Variants in KANK4 observed in about 807,000 individuals in gnomAD.
KANK4 encodes the protein KN motif and ankyrin repeat domains 4, also known as KN motif and ankyrin repeat domain-containing protein 4.
Under a neutral mutation model 80.8 loss-of-function variants are expected in KANK4, and 50 were observed. The observed-to-expected ratio is 0.62, with a 90% confidence interval of 0.49 to 0.78. The LOEUF (loss-of-function observed/expected upper bound fraction) is 0.78. Among genes scored for constraint, KANK4 ranks in the 30% least tolerant of loss-of-function variants. The pLI, the probability that KANK4 is intolerant of heterozygous loss-of-function variation, is 0.00. For synonymous variants in KANK4, 465 were observed against 506.9 expected, an observed-to-expected ratio of 0.92 and a Z score of 1.11; for missense variants, 1,196 against 1,240.1, an observed-to-expected ratio of 0.96 and a Z score of 0.53.
At chr1:62,298,934 T>TTA (rs201108373) in intron 1 of KANK4, among the ~76,000 whole-genome samples, 11 of 115,282 alleles carry the variant, frequency 9.5e-5, no homozygotes, top group Admixed American at 5.7e-4. Flanking sequence ...CTATGTATTA[T>TTA]TTTTTTTTTT....
In KANK4 at chr1:62,238,322, C is replaced by T. The variant is rs1671254359; in HGVS notation, c.2943G>A (p.Gly981=). ...LKSPTHMEIA[G]LLRAHAEQGR... ...CCTGCTCCGCGTGGGCTCTCAGAAG[C>T]CCAGCAATTTCCATATGGGTGGGTG... The change falls in exon 10 of 10, where the codon GGG becomes GGA. Residue 981 remains glycine (G), a synonymous_variant. Coordinates refer to ENST00000371153, the MANE Select transcript of KANK4 (RefSeq NM_181712.5). 1 of 1,614,130 alleles carries T rather than the reference C, an allele frequency of 6.2e-7. No individual in the cohort carries two copies. Among genetic ancestry groups the T allele is most frequent in the Non-Finnish European group, 8.5e-7 (1 of 1,180,004 alleles).
intron 1 of KANK4, among the ~76,000 whole-genome samples, chr1:62,296,154 C>T (rs975392621): frequency 2.6e-5 from 4 of 152,198 alleles, no homozygotes; most frequent in Non-Finnish European, 4.4e-5. Context: ...AAATACCAAA[C>T]GGGAAGTGCA....
At chr1:62,291,290 T>C (rs1223014901) in intron 1 of KANK4, among the ~76,000 whole-genome samples, 1 of 152,248 alleles carries the variant, frequency 6.6e-6, no homozygotes, top group Non-Finnish European at 1.5e-5. Context: ...GTTTGTTCGT[T>C]GTTGCTGTGT....
chr1:62,316,753 A>T (rs1644544578), intron 1 of KANK4, among the ~76,000 whole-genome samples: 1 of 152,238 alleles, frequency 6.6e-6, no homozygotes, highest in Non-Finnish European at 1.5e-5. Context: ...AATACTGGAC[A>T]GGACAGTTTC....
intron 1 of KANK4, among the ~76,000 whole-genome samples, chr1:62,314,223 A>T (rs1307978877): frequency 1.3e-5 from 2 of 152,286 alleles, no homozygotes; most frequent in African/African-American, 4.8e-5. Context: ...CATGTTGGCC[A>T]GGCTGGTCTC....
chr1:62,267,450 C>A (rs1408119973), intron 5 of KANK4, among the ~76,000 whole-genome samples: 1 of 152,186 alleles, frequency 6.6e-6, no homozygotes, highest in Admixed American at 6.5e-5. Context: ...CTCAGCCTCC[C>A]AAACTGCTGG....
At chr1:62,249,795 G>A (rs1245070201) in intron 8 of KANK4, among the ~76,000 whole-genome samples, 2 of 151,766 alleles carry the variant, frequency 1.3e-5, no homozygotes, top group Non-Finnish European at 2.9e-5. Flanking sequence ...TGCCTACCTC[G>A]GCCTCCCAAA....
At chr1:62,269,176 G>T (rs956092041) in intron 4 of KANK4, among the ~76,000 whole-genome samples, 1 of 152,254 alleles carries the variant, frequency 6.6e-6, no homozygotes, top group Non-Finnish European at 1.5e-5. Context: ...TGGTAGTGAC[G>T]CTTATGCTCA....
At chr1:62,280,343 T>C (rs1367609239) in intron 2 of KANK4, among the ~76,000 whole-genome samples, 1 of 152,130 alleles carries the variant, frequency 6.6e-6, no homozygotes, top group African/African-American at 2.4e-5. Flanking sequence ...CCCAGTGTGC[T>C]GAGAAGGGAC....
intron 6 of KANK4, among the ~76,000 whole-genome samples, chr1:62,266,443 C>T (rs901984343): frequency 1.3e-5 from 2 of 151,368 alleles, no homozygotes; most frequent in African/African-American, 4.9e-5. Context: ...ACACCCACAC[C>T]ACTGCCTCAC....
chr1:62,276,967 G>A lies in KANK4; in HGVS notation c.17-1880C>T, dbSNP rs142837077. ...ACATGTTGTGACTGGTTGATTGCTT[G>A]GTTTTAAGGGTAGTAGGCCCTAGGT... is the stretch of plus-strand genomic sequence containing the variant. On this transcript the variant is annotated intron_variant, in intron 2 of 9. Coordinates refer to ENST00000371153, the MANE Select transcript of KANK4 (RefSeq NM_181712.5). Among the ~76,000 whole-genome samples the A allele has an allele frequency of 1.3e-3, 200 of 152,244 alleles. 1 individual carries two copies. Among genetic ancestry groups the A allele is most frequent in the African/African-American group, 4.6e-3 (191 of 41,536 alleles).
In KANK4 at chr1:62,317,072, C is replaced by T. The variant is rs190879299; in HGVS notation, c.-71+2034G>A. Among the ~76,000 whole-genome samples the T allele has an allele frequency of 3.9e-5, 6 of 152,290 alleles. No homozygotes were observed. The East Asian group carries it at 1.2e-3, about 29-fold the overall frequency. The stretch of plus-strand genomic sequence containing the variant: ...AAGGCAACGCGTGGCCCAGGAACCA[C>T]TTGAAGCATAATTGTGCTGAACATA... On this transcript the variant is annotated intron_variant, in intron 1 of 9. Transcript: ENST00000371153.
In KANK4 at chr1:62,281,946, G is replaced by A. The variant is rs13374354; in HGVS notation, c.-70-312C>T. On this transcript the variant is annotated intron_variant, in intron 1 of 9. Coordinates refer to ENST00000371153, the MANE Select transcript of KANK4 (RefSeq NM_181712.5). ...TGCTCTAAGGTGTCTCAGACTATTC[G>A]TGAAGGTGCTAGTATCAGACCCAGG... Among the ~76,000 whole-genome samples, 605 of 152,262 alleles carry A rather than the reference G, an allele frequency of 4.0e-3. 4 individuals carry two copies. The highest frequency in any genetic ancestry group is 0.014 in the African/African-American group (579 of 41,544).
Position 62,278,320 on chromosome 1 carries a change from T to TCTTTCTTTCTTC in KANK4, c.16+3228_16+3229insGAAGAAAGAAAG, listed in dbSNP as rs1420040026. Reference sequence around the variant, plus strand: ...GGCATTTCCTGGGGCACATTTTCTTTCTTCCTTCCTTCCTTCCTTCCTTCC... The same window carrying TCTTTCTTTCTTC: ...GGCATTTCCTGGGGCACATTTTCTTTCTTTCTTTCTTCCTTCCTTCCTTCCTTCCTTCCTTCC... On this transcript the variant is annotated intron_variant, in intron 2 of 9. Coordinates refer to ENST00000371153, the MANE Select transcript of KANK4 (RefSeq NM_181712.5). Among the ~76,000 whole-genome samples, 213 of 60,396 alleles carry TCTTTCTTTCTTC rather than the reference T, an allele frequency of 3.5e-3. 4 individuals are homozygous for TCTTTCTTTCTTC. The highest frequency in any genetic ancestry group is 0.011 in the African/African-American group (206 of 18,014). The allele number at this position is 60,396 out of a possible 152,430, so 39.6% of individuals were successfully genotyped here.
chr1:62,289,631 C>G (rs1004246895), intron 1 of KANK4, among the ~76,000 whole-genome samples: 2 of 151,564 alleles, frequency 1.3e-5, no homozygotes, highest in African/African-American at 2.4e-5. Context: ...ATGGTGAAGA[C>G]AGAAGAAGAC....
At chr1:62,242,814 T>C (rs751836431) in intron 9 of KANK4, among the ~76,000 whole-genome samples, 1 of 152,170 alleles carries the variant, frequency 6.6e-6, no homozygotes, top group African/African-American at 2.4e-5. Context: ...GGAAATGATA[T>C]GGTGGGTATG....
intron 1 of KANK4, among the ~76,000 whole-genome samples, chr1:62,282,594 A>G (rs1270081004): frequency 6.6e-6 from 1 of 152,198 alleles, no homozygotes; most frequent in Non-Finnish European, 1.5e-5. Flanking sequence ...CCAAGGATGG[A>G]AAAAAGGGGA....
At position 62,236,491 on chromosome 1, in the gene KANK4, T is replaced by G. The variant is rs995159824; in HGVS notation, c.*1786A>C. ...TCCACCTCTGAGTTGCATCAACACA[T>G]GTCATTGTGTTCTGGGACTCTGAGC... On this transcript the variant is annotated 3_prime_UTR_variant, in exon 10 of 10. Coordinates refer to ENST00000371153, the MANE Select transcript of KANK4 (RefSeq NM_181712.5). Among the ~76,000 whole-genome samples the G allele has an allele frequency of 6.6e-6, 1 of 152,148 alleles. No homozygotes were observed. Among genetic ancestry groups the G allele is most frequent in the Admixed American group, 6.6e-5 (1 of 15,262 alleles).
chr1:62,256,471 C>T (rs911374711), intron 7 of KANK4, among the ~76,000 whole-genome samples: 2 of 152,022 alleles, frequency 1.3e-5, no homozygotes, highest in East Asian at 1.9e-4. Context: ...CTGCGATCTC[C>T]GCCTCCCAGG....
Sources: gnomAD v4.1 joint callset for allele counts (sites outside exome capture counted in the v4.1 genomes callset) on GRCh38, gnomAD v4.1.1 for gene constraint, MANE v1.5 for transcripts, NCBI Gene and HGNC (gene_info 2026-07-23, HGNC 2026-07-21) for gene names.